The following SLC6A14 variants were observed in gnomAD, a reference collection of about 807,000 sequenced individuals.
SLC6A14 encodes solute carrier family 6 member 14.
A neutral mutation model predicts 51.4 loss-of-function variants in SLC6A14; 21 were observed. That is an observed-to-expected ratio of 0.41 (90% CI 0.29 to 0.59). The LOEUF is 0.59. SLC6A14 is among the 20% of genes least tolerant of loss of function. SLC6A14 has a pLI of 0.31. For synonymous variants in SLC6A14, 177 were observed against 160.7 expected (o/e 1.10, Z -0.77); for missense variants, 371 against 472.8 (o/e 0.78, Z 2.00).
intron 6 of SLC6A14, among the ~76,000 whole-genome samples, chrX:116,445,445 A>G (rs1254608063): frequency 1.1e-5 from 1 of 93,196 alleles, no homozygotes; most frequent in Non-Finnish European, 2.1e-5. Context: ...TAGTATCAGG[A>G]ATCCCCTAGT....
chrX:116,451,478 C>T lies in SLC6A14; in HGVS notation c.967C>T (p.Leu323Phe), dbSNP rs199531433. ...TGCTGCCACTCAGATATTTTACTCC[C>T]TTTCAGTGGCTTGGGGTGGCTTAGT... ...KDAATQIFYS[L>F]SVAWGGLVAL... The change falls in exon 8 of 14, where the codon CTT becomes TTT. Residue 323 changes from leucine to phenylalanine, a missense_variant. This residue lies in a region of SLC6A14 where 277 missense variants were observed against 391.8 expected (regional missense o/e 0.71). Transcript: ENST00000598581. The T allele has an allele frequency of 5.0e-5, 60 of 1,207,403 alleles. No homozygotes were observed. The highest frequency in any genetic ancestry group is 6.3e-5 in the Non-Finnish European group (56 of 893,503).
chrX:116,444,789 C>T (rs782630263), intron 5 of SLC6A14, 129 bp from the exon 6 acceptor site: 22 of 650,362 alleles, frequency 3.4e-5, no homozygotes, highest in Admixed American at 6.2e-5. Context: ...AAAGGCTCAC[C>T]GAACTTTGAT....
chrX:116,451,773 G>T, intron 8 of SLC6A14, 103 bp downstream of exon 8: 1 of 465,339 alleles, frequency 2.1e-6, no homozygotes, highest in South Asian at 5.1e-5. Context: ...TCATGATTTA[G>T]AATATTGAAT....
chrX:116,442,905 G>A (rs1367306036), intron 4 of SLC6A14, 57 bp downstream of exon 4: 1 of 886,382 alleles, frequency 1.1e-6, no homozygotes, highest in East Asian at 3.6e-5. Context: ...TAAGCTTGAA[G>A]GGTCAAATCA....
chrX:116,440,797 G>A (rs1290546478), intron 2 of SLC6A14, among the ~76,000 whole-genome samples, 169 bp from the exon 3 acceptor site: 2 of 111,797 alleles, frequency 1.8e-5, no homozygotes, highest in Non-Finnish European at 3.8e-5. Flanking sequence ...GAAATCCAAG[G>A]TTTAAAGAAT....
At chrX:116,452,830 A>G (rs1464195312) in intron 8 of SLC6A14, among the ~76,000 whole-genome samples, 187 bp from the exon 9 acceptor site, 2 of 111,982 alleles carry the variant, frequency 1.8e-5, no homozygotes, top group Non-Finnish European at 3.8e-5. Context: ...ACATGTTCAC[A>G]TTATCACATC....
chrX:116,450,164 A>G (rs1569539698), intron 7 of SLC6A14, among the ~76,000 whole-genome samples: 1 of 111,772 alleles, frequency 8.9e-6, no homozygotes. Context: ...TAAACCAACA[A>G]CAAAAACTTT....
intron 9 of SLC6A14, 21 bp downstream of exon 9, chrX:116,453,163 T>C (rs1927855860): frequency 8.5e-7 from 1 of 1,172,540 alleles, no homozygotes; most frequent in African/African-American, 1.8e-5. Flanking sequence ...CTTCCAGTGG[T>C]AACATATTCC....
intron 1 of SLC6A14, among the ~76,000 whole-genome samples, chrX:116,437,041 C>T (rs935783330): frequency 2.7e-5 from 3 of 111,368 alleles, no homozygotes; most frequent in Non-Finnish European, 3.8e-5. Flanking sequence ...GAGGAAAGTA[C>T]AAAAGTACAC....
intron 6 of SLC6A14, among the ~76,000 whole-genome samples, chrX:116,445,795 A>G (rs1237820617): frequency 9.0e-6 from 1 of 111,265 alleles, no homozygotes; most frequent in African/African-American, 3.3e-5. Context: ...GTCAATGGAT[A>G]TTTCCCTAAA....
intron 7 of SLC6A14, among the ~76,000 whole-genome samples, chrX:116,450,672 C>A (rs1213149100): frequency 3.6e-5 from 4 of 112,161 alleles, no homozygotes; most frequent in Admixed American, 2.8e-4. Flanking sequence ...CGCGGTTGCT[C>A]ACGCCTGTAA....
In SLC6A14 at chrX:116,459,204, A is replaced by G. The variant is rs1358652132; in HGVS notation, c.*249A>G. ...CACACACACACACCTAAGAGTCTCT[A>G]TTTCACAATTATATTTTTGTAAATA... On this transcript the variant is annotated 3_prime_UTR_variant, in exon 14 of 14. Transcript: ENST00000598581. 9 of 236,414 alleles carry G rather than the reference A, an allele frequency of 3.8e-5. No homozygotes were observed. The highest frequency in any genetic ancestry group is 1.5e-5 in the Non-Finnish European group (2 of 132,831). The allele number at this position is 236,414 out of a possible 1,213,427, so 19.5% of individuals were successfully genotyped here. A position where few individuals can be genotyped will look rare whatever the true frequency, so the allele number is the denominator to read the frequency against.
intron 5 of SLC6A14, 122 bp downstream of exon 5, chrX:116,443,912 TTA>T: frequency 3.5e-6 from 2 of 570,731 alleles, no homozygotes; most frequent in East Asian, 7.8e-5. Context: ...TCAGGACAAA[TTA>T]TATTTCATTT....
intron 12 of SLC6A14, among the ~76,000 whole-genome samples, chrX:116,457,384 T>C (rs1927954528): frequency 8.9e-6 from 1 of 112,068 alleles, no homozygotes; most frequent in Non-Finnish European, 1.9e-5. Context: ...TATGATGGTA[T>C]TAATTTTGGA....
At position 116,437,883 on chromosome X, in the gene SLC6A14, T is replaced by A; in HGVS notation, c.142T>A (p.Ser48Thr). ...GTCCAAAAAATCGGATTATCTTCTA[T>A]CTATGATTGGATACGCAGTGGGATT... is the stretch of plus-strand genomic sequence containing the variant. Reference protein sequence around the residue: ...NWSKKSDYLLSMIGYAVGLGN... With the variant: ...NWSKKSDYLLTMIGYAVGLGN... Residue 48 changes from serine to threonine, a missense_variant, in exon 2 of 14, where the codon TCT (serine) becomes ACT (threonine). Ser to Thr is a moderately conservative substitution (Grantham distance 58, BLOSUM62 1). Around this residue, in one of 2 missense-constraint regions of SLC6A14, gnomAD observed 277 missense variants for 391.8 expected, o/e 0.71. Transcript: ENST00000598581. The A allele has an allele frequency of 8.3e-7, 1 of 1,207,825 alleles. No individual in the cohort carries two copies. Among genetic ancestry groups the A allele is most frequent in the Non-Finnish European group, 1.1e-6 (1 of 891,975 alleles).
At position 116,441,063 on chromosome X, in the gene SLC6A14, A is replaced by G; in HGVS notation, c.312A>G (p.Pro104=). ...CSLGQFASLG[P]VSVWRILPLF... ...TGGGACAATTTGCTAGCTTAGGTCC[A>G]GTTTCAGTTTGGAGGATTCTTCCAT... The change falls in exon 3 of 14, where the codon CCA becomes CCG. Residue 104 remains proline (P), a synonymous_variant. Transcript: ENST00000598581. 4 of 1,210,739 alleles carry G rather than the reference A, an allele frequency of 3.3e-6. No individual in the cohort carries two copies. The highest frequency in any genetic ancestry group is 4.5e-6 in the Non-Finnish European group (4 of 894,846).
intron 13 of SLC6A14, among the ~76,000 whole-genome samples, chrX:116,458,026 T>C (rs1927968271): frequency 8.9e-6 from 1 of 111,917 alleles, no homozygotes; most frequent in Non-Finnish European, 1.9e-5. Context: ...GTCTTATTTG[T>C]TGCTGTACCT....
At position 116,458,779 on chromosome X, in the gene SLC6A14, A is replaced by G. The variant is rs782577860; in HGVS notation, c.1783-30A>G. On this transcript the variant is annotated intron_variant, in intron 13 of 13. Coordinates refer to ENST00000598581, the MANE Select transcript of SLC6A14 (RefSeq NM_007231.5). Reference sequence around the variant, plus strand: ...TACAGATTGTAGCACTTAAATTCTAAGACAATGATTTTTTGTTCTTGCATT... The same window carrying G: ...TACAGATTGTAGCACTTAAATTCTAGGACAATGATTTTTTGTTCTTGCATT... 20 of 1,147,534 alleles carry G rather than the reference A, an allele frequency of 1.7e-5. No individual in the cohort carries two copies. The Middle Eastern group carries it at 1.2e-3, about 70-fold the overall frequency. The allele number at this position is 1,147,534 out of a possible 1,213,427, so 94.6% of individuals were successfully genotyped here. A position where few individuals can be genotyped will look rare whatever the true frequency, so the allele number is the denominator to read the frequency against.
rs1556694603 is a variant in SLC6A14 at position 116,454,336 on chromosome X, C to T, written c.1298C>T (p.Thr433Ile). Residue 433 changes from threonine (T) to isoleucine (I), a missense_variant, in exon 10 of 14, where the codon ACA becomes ATA. Physicochemically the swap from Thr to Ile is moderately conservative, Grantham distance 89. Transcript: ENST00000598581. ...TCCCCCTCTGAAGAAACGATCACAA[C>T]AACAATTCAAGATTTATTTCCCAAA... ...SQFASIETIT[T>I]TIQDLFPKVM... 8.4e-7 allele frequency: 1 copy of T among 1,186,754 alleles called. No homozygotes were observed. Among genetic ancestry groups the T allele is most frequent in the Admixed American group, 2.2e-5 (1 of 45,726 alleles).
Sources: gnomAD v4.1 joint callset for allele counts (sites outside exome capture counted in the v4.1 genomes callset) on GRCh38, gnomAD v4.1.1 for gene constraint, gnomAD v4.1.1 regional missense constraint, MANE v1.5 for transcripts, NCBI Gene and HGNC (gene_info 2026-07-23, HGNC 2026-07-21) for gene names.